The following TEKT5 variants were observed in gnomAD, a reference collection of about 807,000 sequenced individuals.
TEKT5 encodes the protein tektin-5.
In TEKT5, 52 loss-of-function variants were observed where a neutral mutation model predicts 48.7. That is an observed-to-expected ratio of 1.07 (90% CI 0.86 to 1.35). TEKT5 has a LOEUF of 1.35. TEKT5 is among the 40% of genes most tolerant of loss of function. The pLI is 0.00. For missense variants in TEKT5, 831 were observed against 641.6 expected (o/e 1.30, Z -3.19); for synonymous variants, 318 against 267.6 (o/e 1.19, Z -1.84).
At chr16:10,655,183 A>C (rs1262739736) in intron 5 of TEKT5, among the ~76,000 whole-genome samples, 1 of 152,094 alleles carries the variant, frequency 6.6e-6, no homozygotes, top group Non-Finnish European at 1.5e-5. Flanking sequence ...ATACACACAC[A>C]TGCTGAACGG....
At chr16:10,653,683 T>G (rs1490341996) in intron 5 of TEKT5, among the ~76,000 whole-genome samples, 2 of 152,088 alleles carry the variant, frequency 1.3e-5, no homozygotes, top group East Asian at 3.9e-4. Flanking sequence ...GAGGCCAAGG[T>G]GGGGAGATCA....
rs184002764 is a variant in TEKT5, at chr16:10,646,723, C to T, written c.1087-10805G>A. ...CTGTTTCCTACTGGTGGAGTCAAGA[C>T]GAGAAGCTGGGTTATGGGAGGGCAA... On this transcript the variant is annotated intron_variant, in intron 5 of 6. Transcript: ENST00000283025. 1.2e-3 allele frequency among the ~76,000 whole-genome samples: 178 copies of T among 152,286 alleles called. 1 individual carries two copies. Among genetic ancestry groups the T allele is most frequent in the African/African-American group, 4.0e-3 (165 of 41,570 alleles).
intron 5 of TEKT5, among the ~76,000 whole-genome samples, chr16:10,671,553 A>G (rs138873209): frequency 1.0e-3 from 156 of 152,370 alleles, no homozygotes; most frequent in African/African-American, 3.7e-3. Flanking sequence ...CAACTACTGT[A>G]TGATTCCACT....
intron 5 of TEKT5, among the ~76,000 whole-genome samples, chr16:10,665,202 G>A (rs1266362252): frequency 6.6e-6 from 1 of 152,184 alleles, no homozygotes; most frequent in African/African-American, 2.4e-5. Context: ...AAAGGTGGAG[G>A]AGTCATCACT....
rs116492735 is a variant in TEKT5, at chr16:10,647,808, T to A, written c.1087-11890A>T. ...ATTCATTCATTCATCCACAGAGTCA[T>A]TGATTCATATGTCAGTGCAACAAAT... On this transcript the variant is annotated intron_variant, in intron 5 of 6. Transcript: ENST00000283025. Among the ~76,000 whole-genome samples the A allele has an allele frequency of 1.0e-3, 159 of 152,348 alleles. 1 individual carries two copies. The highest frequency in any genetic ancestry group is 3.5e-3 in the African/African-American group (147 of 41,570).
At chr16:10,633,607 A>G (rs574629781) in intron 6 of TEKT5, among the ~76,000 whole-genome samples, 2 of 152,218 alleles carry the variant, frequency 1.3e-5, no homozygotes, top group South Asian at 2.1e-4. Context: ...CAATGGCGCA[A>G]TCATAGCTCA....
At position 10,681,999 on chromosome 16, in the gene TEKT5, T is replaced by C. The variant is rs1385565704; in HGVS notation, c.857A>G (p.Asp286Gly). ...GGGGGAGTCTGATACTTACGTGCCG[T>C]CAATTTTCTCCATGCCGTGGAAGAA... Reference protein sequence around the residue: ...ISFFHGMEKIDGTISVPETWA... With the variant: ...ISFFHGMEKIGGTISVPETWA... Residue 286 changes from aspartate (D) to glycine (G), a missense_variant, in exon 4 of 7, where the codon GAC becomes GGC. Asp to Gly is a moderately conservative substitution (Grantham distance 94). Transcript: ENST00000283025. The C allele has an allele frequency of 1.9e-6, 3 of 1,613,820 alleles. No homozygotes were observed. Among genetic ancestry groups the C allele is most frequent in the Non-Finnish European group, 2.5e-6 (3 of 1,179,806 alleles).
At chr16:10,681,382 T>A (rs1434208644) in intron 4 of TEKT5, among the ~76,000 whole-genome samples, 1 of 32,238 alleles carries the variant, frequency 3.1e-5, no homozygotes, top group South Asian at 1.3e-3. Context: ...TCTCTGTCTC[T>A]CTCTCTCTCT....
intron 5 of TEKT5, among the ~76,000 whole-genome samples, chr16:10,658,332 A>G (rs946700685): frequency 2.8e-4 from 43 of 152,232 alleles, no homozygotes; most frequent in Admixed American, 2.8e-3. Flanking sequence ...AAGAATGTTC[A>G]TAACAACTTA....
intron 3 of TEKT5, among the ~76,000 whole-genome samples, chr16:10,688,664 G>C (rs1303202382): frequency 3.3e-5 from 5 of 152,220 alleles, no homozygotes; most frequent in Non-Finnish European, 7.3e-5. Context: ...CTTCACTATG[G>C]GCCCCAAGCC....
At chr16:10,686,229 T>G (rs1898859789) in intron 3 of TEKT5, among the ~76,000 whole-genome samples, 2 of 151,908 alleles carry the variant, frequency 1.3e-5, no homozygotes, top group Non-Finnish European at 2.9e-5. Context: ...TTGATACAAG[T>G]GGAAAGGTAC....
At chr16:10,676,975 G>T (rs1352857696) in intron 4 of TEKT5, among the ~76,000 whole-genome samples, 1 of 122,586 alleles carries the variant, frequency 8.2e-6, no homozygotes, top group Non-Finnish European at 1.8e-5. Flanking sequence ...GTTGAGTCCA[G>T]GAGTTCAAGA....
At chr16:10,638,504 G>T (rs1185102527) in intron 5 of TEKT5, among the ~76,000 whole-genome samples, 1 of 152,228 alleles carries the variant, frequency 6.6e-6, no homozygotes, top group Non-Finnish European at 1.5e-5. Flanking sequence ...ATGAGGCAGT[G>T]ATGTCCTGCC....
chr16:10,658,238 C>T (rs1281379632), intron 5 of TEKT5, among the ~76,000 whole-genome samples: 4 of 152,180 alleles, frequency 2.6e-5, no homozygotes, highest in African/African-American at 9.7e-5. Context: ...GATACACCCA[C>T]TCTATGAGCC....
chr16:10,684,411 C>G (rs1416928408), intron 3 of TEKT5, among the ~76,000 whole-genome samples: 1 of 142,028 alleles, frequency 7.0e-6, no homozygotes, highest in Non-Finnish European at 1.5e-5. Flanking sequence ...TTTTTTTTTT[C>G]CTGCTGTGGA....
intron 4 of TEKT5, among the ~76,000 whole-genome samples, chr16:10,680,008 G>C (rs1047112037): frequency 3.3e-5 from 5 of 152,272 alleles, no homozygotes; most frequent in African/African-American, 1.2e-4. Flanking sequence ...TCCAGATGGA[G>C]TCTCCAGATG....
chr16:10,665,591 C>T (rs545229060), intron 5 of TEKT5, among the ~76,000 whole-genome samples: 1 of 152,302 alleles, frequency 6.6e-6, no homozygotes, highest in South Asian at 2.1e-4. Context: ...CAGCTCCTCT[C>T]CCATTTGGCA....
intron 6 of TEKT5, among the ~76,000 whole-genome samples, chr16:10,631,402 C>T (rs1024928378): frequency 1.3e-4 from 20 of 150,222 alleles, no homozygotes; most frequent in African/African-American, 3.7e-4. Flanking sequence ...ACTCGAGTTT[C>T]GGGATAACCT....
intron 1 of TEKT5, among the ~76,000 whole-genome samples, chr16:10,692,040 T>C (rs1020306457): frequency 2.6e-5 from 4 of 151,832 alleles, no homozygotes; most frequent in East Asian, 1.9e-4. Context: ...GGAGCAGGAA[T>C]TGGGAGACCA....
Sources: gnomAD v4.1 joint callset for allele counts (sites outside exome capture counted in the v4.1 genomes callset) on GRCh38, gnomAD v4.1.1 for gene constraint, MANE v1.5 for transcripts, NCBI Gene and HGNC (gene_info 2026-07-23, HGNC 2026-07-21) for gene names.